The following MAPKAPK3 variants were observed in gnomAD, a reference collection of about 807,000 sequenced individuals.
The protein encoded by MAPKAPK3 is MAPK activated protein kinase 3.
MAPKAPK3 carries 35 observed loss-of-function variants against 49.2 expected under a neutral mutation model. The observed-to-expected ratio is 0.71, with a 90% CI of 0.54 to 0.94. The LOEUF is 0.94. Among genes scored for constraint, MAPKAPK3 ranks in the 40% least tolerant of loss-of-function variants. The pLI, the probability that MAPKAPK3 is intolerant of heterozygous loss-of-function variation, is 0.00. For synonymous variants in MAPKAPK3, 178 were observed against 188.7 expected (o/e 0.94, Z 0.46); for missense variants, 398 against 493.1 (o/e 0.81, Z 1.83).
upstream of MAPKAPK3, among the ~76,000 whole-genome samples, chr3:50,614,832 T>G (rs556976803): frequency 2.0e-4 from 30 of 152,310 alleles, no homozygotes; most frequent in Non-Finnish European, 4.3e-4. Flanking sequence ...TGTGGAAGCA[T>G]GGACACTGGT....
At chr3:50,620,330 G>C (rs421689) in intron 2 of MAPKAPK3, among the ~76,000 whole-genome samples, 145,231 of 152,216 alleles carry the variant, frequency 0.95, 69,695 homozygotes, top group East Asian at 1. Context: ...CCCTCTCCCC[G>C]CAGTTGCCCC....
rs1413991903 is a variant in MAPKAPK3, at chr3:50,647,956, C to T, written c.1059C>T (p.Asp353=). ...ACTACGACCAGGTGAAGATCAAGGA[C>T]CTGAAGACCTCTAACAACCGGCTCC... ...RVDYDQVKIK[D]LKTSNNRLLN... Residue 353 remains aspartate (D), a synonymous_variant, in exon 11 of 11, where the codon GAC becomes GAT. Transcript: ENST00000621469. 1.2e-6 allele frequency: 2 copies of T among 1,613,950 alleles called. No homozygotes were observed. Among genetic ancestry groups the T allele is most frequent in the Admixed American group, 1.7e-5 (1 of 60,008 alleles).
chr3:50,642,071 G>A (rs907123868), intron 4 of MAPKAPK3, among the ~76,000 whole-genome samples, 182 bp from the exon 5 acceptor site: 1 of 152,082 alleles, frequency 6.6e-6, no homozygotes, highest in Non-Finnish European at 1.5e-5. Context: ...GGGTATCCTC[G>A]GAGGAAACTG....
intron 2 of MAPKAPK3, among the ~76,000 whole-genome samples, chr3:50,635,920 C>CAAAAA (rs748358137): frequency 1.4e-5 from 1 of 73,508 alleles, no homozygotes; most frequent in Non-Finnish European, 2.2e-5. Context: ...CCGTCTCTAC[C>CAAAAA]AAAAAAAAAA....
intron 2 of MAPKAPK3, among the ~76,000 whole-genome samples, chr3:50,627,247 G>A (rs1011335504): frequency 6.6e-6 from 1 of 151,460 alleles, no homozygotes; most frequent in Non-Finnish European, 1.5e-5. Context: ...CCTCCCTTTT[G>A]GCTGTGAAGA....
upstream of MAPKAPK3, among the ~76,000 whole-genome samples, chr3:50,616,862 G>A (rs2032476184): frequency 2.6e-5 from 4 of 152,008 alleles, no homozygotes; most frequent in Admixed American, 2.6e-4. Flanking sequence ...GCGCTGTCAC[G>A]TTCTAGGTTG....
chr3:50,612,250 C>G (rs2032353311), upstream of MAPKAPK3: 2 of 152,080 alleles, frequency 1.3e-5, no homozygotes, highest in East Asian at 3.9e-4. Flanking sequence ...CCTCTTATCT[C>G]GCGGTGGAAC....
chr3:50,618,133 C>G (rs1465747599), intron 2 of MAPKAPK3, among the ~76,000 whole-genome samples: 1 of 152,206 alleles, frequency 6.6e-6, no homozygotes, highest in Non-Finnish European at 1.5e-5. Context: ...GCTGCCCCTT[C>G]CATGTGAAGC....
intron 2 of MAPKAPK3, among the ~76,000 whole-genome samples, chr3:50,621,114 T>G (rs1235503354): frequency 6.6e-6 from 1 of 152,242 alleles, no homozygotes; most frequent in East Asian, 1.9e-4. Context: ...CCTCTTGTGG[T>G]TTTTGGCCTC....
intron 2 of MAPKAPK3, among the ~76,000 whole-genome samples, chr3:50,621,194 G>A (rs1297988994): frequency 6.6e-6 from 1 of 152,176 alleles, no homozygotes; most frequent in Admixed American, 6.5e-5. Flanking sequence ...GCGGTGGCTT[G>A]TGCCTGTAAT....
At chr3:50,631,682 G>A (rs775099056) in intron 2 of MAPKAPK3, among the ~76,000 whole-genome samples, 4 of 152,250 alleles carry the variant, frequency 2.6e-5, no homozygotes, top group Non-Finnish European at 4.4e-5. Flanking sequence ...ACAACTGGGA[G>A]CTGGGAGAGA....
At position 50,640,238 on chromosome 3, in the gene MAPKAPK3, C is replaced by T. The variant is rs535585139; in HGVS notation, c.220-128C>T. The T allele has an allele frequency of 2.4e-5, 22 of 914,874 alleles. 1 individual carries two copies. The South Asian group carries it at 3.7e-4, about 16-fold the overall frequency. 56.7% of individuals were successfully genotyped at this position (914,874 alleles called of 1,614,324 possible). ...AGTCAGAGAAACCTAGATTCAAATT[C>T]TCATTCTGCTCCTTATAAGCTGTGT... On this transcript the variant is annotated intron_variant, in intron 2 of 10. Transcript: ENST00000621469.
At chr3:50,624,838 C>T (rs1297773545) in intron 2 of MAPKAPK3, among the ~76,000 whole-genome samples, 4 of 152,188 alleles carry the variant, frequency 2.6e-5, no homozygotes, top group Admixed American at 2.0e-4. Context: ...CCAAGCATAC[C>T]TGTGCCATGA....
At chr3:50,628,009 G>T (rs1181696338) in intron 2 of MAPKAPK3, among the ~76,000 whole-genome samples, 3 of 152,192 alleles carry the variant, frequency 2.0e-5, no homozygotes, top group Non-Finnish European at 2.9e-5. Context: ...GAAGGTCAGT[G>T]TTGGGGGTGG....
rs771726192 is a variant in MAPKAPK3 at position 50,617,548 on chromosome 3, G to C, written c.-18G>C. 2.2e-6 allele frequency: 3 copies of C among 1,344,706 alleles called. No homozygotes were observed. In the African/African-American group the frequency reaches 4.3e-5, roughly 19 times the overall value. 83.3% of individuals were successfully genotyped at this position (1,344,706 alleles called of 1,614,324 possible). The stretch of plus-strand genomic sequence containing the variant: ...GAAGCGCCAGGCTGGGGCCGCCTCT[G>C]AGCGCCCCGCGGGGGCCATGGATGG... On this transcript the variant is annotated 5_prime_UTR_variant, in exon 2 of 11. Transcript: ENST00000621469.
chr3:50,647,843 A>T, intron 10 of MAPKAPK3, 51 bp from the exon 11 acceptor site: 1 of 1,542,276 alleles, frequency 6.5e-7, no homozygotes, highest in Non-Finnish European at 8.8e-7. Context: ...GATGGTTCCT[A>T]AGGTCAGTAC....
chr3:50,611,967 G>A, exon 1 of MAPKAPK3: 1 of 403,106 alleles, frequency 2.5e-6, no homozygotes, highest in South Asian at 7.0e-5. Context: ...CTGGGGCCCT[G>A]AGCAGTGAAA....
intron 3 of MAPKAPK3, 122 bp downstream of exon 3, chr3:50,640,627 C>A: frequency 7.9e-7 from 1 of 1,260,282 alleles, no homozygotes; most frequent in Non-Finnish European, 1.1e-6. Context: ...ACTGTAGCCC[C>A]TGAGGGGCAA....
intron 2 of MAPKAPK3, among the ~76,000 whole-genome samples, chr3:50,622,015 C>T (rs2032621772): frequency 6.6e-6 from 1 of 152,186 alleles, no homozygotes; most frequent in South Asian, 2.1e-4. Flanking sequence ...TGGGTCAAGT[C>T]TTTGTAGCAG....
Sources: gnomAD v4.1 joint callset for allele counts (sites outside exome capture counted in the v4.1 genomes callset) on GRCh38, gnomAD v4.1.1 for gene constraint, MANE v1.5 for transcripts, NCBI Gene and HGNC (gene_info 2026-07-23, HGNC 2026-07-21) for gene names.